ST8SIA6: variants seen among roughly 807,000 people sequenced by gnomAD.
ST8SIA6 encodes the protein ST8 alpha-N-acetyl-neuraminide alpha-2,8-sialyltransferase 6, also known as alpha-2,8-sialyltransferase 8F.
ST8SIA6 carries 39 observed loss-of-function variants against 33.6 expected under a neutral mutation model. The observed-to-expected ratio is 1.16, with a 90% CI of 0.90 to 1.52. The LOEUF (loss-of-function observed/expected upper bound fraction) is 1.52. Among genes scored for constraint, ST8SIA6 ranks in the 40% most tolerant of loss-of-function variants. The pLI, the probability that ST8SIA6 is intolerant of heterozygous loss-of-function variation, is 0.00. For synonymous variants in ST8SIA6, 172 were observed against 167.2 expected, an observed-to-expected ratio of 1.03 and a Z score of -0.22; for missense variants, 441 against 443.8, an observed-to-expected ratio of 0.99 and a Z score of 0.06.
At chr10:17,339,316 C>T (rs1410508653) in intron 4 of ST8SIA6, among the ~76,000 whole-genome samples, 1 of 152,108 alleles carries the variant, frequency 6.6e-6, no homozygotes, top group Non-Finnish European at 1.5e-5. Context: ...CCATGGCTCC[C>T]AGGCACCTCT....
In ST8SIA6 at chr10:17,320,984, A is replaced by G; in HGVS notation, c.1091T>C (p.Leu364Pro). The G allele has an allele frequency of 6.2e-7, 1 of 1,614,130 alleles. No homozygotes were observed. Among genetic ancestry groups the G allele is most frequent in the Non-Finnish European group, 8.5e-7 (1 of 1,179,974 alleles). ...PVSHHYYDNK[L>P]PKHGFHQMPK... is the part of the protein sequence containing the mutation. ...CATCTGATGGAAACCATGTTTAGGT[A>G]GCTTGTTGTCATAATAGTGATGGCT... The change falls in exon 8 of 8, where the codon CTA becomes CCA. Residue 364 changes from leucine (L) to proline (P), a missense_variant. Physicochemically the swap from Leu to Pro is moderately conservative, Grantham distance 98. Coordinates refer to ENST00000377602, the MANE Select transcript of ST8SIA6 (RefSeq NM_001004470.3).
rs1003957575 is a variant in ST8SIA6, at chr10:17,316,399, C to G, written c.*4479G>C. Reference sequence around the variant, plus strand: ...GGATCCAGTCAAGTTAGTTCACTGACTTCCGAAGAGACAGATATCTGTGAG... The same window carrying G: ...GGATCCAGTCAAGTTAGTTCACTGAGTTCCGAAGAGACAGATATCTGTGAG... On this transcript the variant is annotated 3_prime_UTR_variant, in exon 8 of 8. Coordinates refer to ENST00000377602, the MANE Select transcript of ST8SIA6 (RefSeq NM_001004470.3). 6.6e-6 allele frequency among the ~76,000 whole-genome samples: 1 copy of G among 152,112 alleles called. No homozygotes were observed. The highest frequency in any genetic ancestry group is 6.6e-5 in the Admixed American group (1 of 15,266).
intron 2 of ST8SIA6, among the ~76,000 whole-genome samples, chr10:17,421,515 G>C (rs1851780432): frequency 6.6e-6 from 1 of 152,176 alleles, no homozygotes; most frequent in African/African-American, 2.4e-5. Context: ...AGCCCTGAAT[G>C]AGTGAGATCT....
chr10:17,342,361 A>C (rs935998537), intron 4 of ST8SIA6, among the ~76,000 whole-genome samples: 1 of 152,150 alleles, frequency 6.6e-6, no homozygotes, highest in African/African-American at 2.4e-5. Context: ...GGGGCACTTA[A>C]CCAGTCTGGG....
At chr10:17,351,957 G>C (rs1476044240) in intron 4 of ST8SIA6, among the ~76,000 whole-genome samples, 1 of 152,124 alleles carries the variant, frequency 6.6e-6, no homozygotes, top group African/African-American at 2.4e-5. Flanking sequence ...CATTTTTCAA[G>C]ATCCATTGCA....
In ST8SIA6 at chr10:17,345,585, T is replaced by C. The variant is rs77134246; in HGVS notation, c.377+13929A>G. Among the ~76,000 whole-genome samples, 1,190 of 151,650 alleles carry C rather than the reference T, an allele frequency of 7.8e-3. 15 individuals carry two copies. Among genetic ancestry groups the C allele is most frequent in the African/African-American group, 0.027 (1,117 of 41,230 alleles). ...AAGCCTGGAGAAGAGAGAGAGAGCA[T>C]AGAATGTGCAAAATTCTGAAAGAAA... On this transcript the variant is annotated intron_variant, in intron 4 of 7. Coordinates refer to ENST00000377602, the MANE Select transcript of ST8SIA6 (RefSeq NM_001004470.3).
At chr10:17,401,262 T>C (rs1851028512) in intron 2 of ST8SIA6, among the ~76,000 whole-genome samples, 1 of 152,156 alleles carries the variant, frequency 6.6e-6, no homozygotes, top group Non-Finnish European at 1.5e-5. Context: ...TACAAACCAC[T>C]GCTCAACTAA....
chr10:17,344,544 C>A (rs1848772058), intron 4 of ST8SIA6, among the ~76,000 whole-genome samples: 1 of 152,224 alleles, frequency 6.6e-6, no homozygotes, highest in Non-Finnish European at 1.5e-5. Flanking sequence ...TTATCTCCCA[C>A]TGGGTCCCTC....
chr10:17,394,140 G>T (rs1413298759), intron 2 of ST8SIA6, among the ~76,000 whole-genome samples: 2 of 152,070 alleles, frequency 1.3e-5, no homozygotes, highest in Non-Finnish European at 2.9e-5. Context: ...AAATCAGAGA[G>T]GGTATCTTTT....
At chr10:17,395,074 C>CG (rs995360610) in intron 2 of ST8SIA6, among the ~76,000 whole-genome samples, 5 of 152,068 alleles carry the variant, frequency 3.3e-5, no homozygotes, top group African/African-American at 7.2e-5. Flanking sequence ...AATTGAATCA[C>CG]GGGGGGCAGT....
At chr10:17,403,606 C>G (rs1473481968) in intron 2 of ST8SIA6, 1 of 152,184 alleles carries the variant, frequency 6.6e-6, no homozygotes. Context: ...CATTACTGCA[C>G]TTGTCTGGTC....
intron 2 of ST8SIA6, among the ~76,000 whole-genome samples, 160 bp from the exon 3 acceptor site, chr10:17,390,780 AC>A (rs1321691336): frequency 7.1e-6 from 1 of 141,462 alleles, no homozygotes; most frequent in Non-Finnish European, 1.5e-5. Context: ...TAATATTTTC[AC>A]CTCTGATGGG....
intron 3 of ST8SIA6, among the ~76,000 whole-genome samples, chr10:17,375,540 T>G (rs572138937): frequency 6.6e-6 from 1 of 152,340 alleles, no homozygotes; most frequent in South Asian, 2.1e-4. Flanking sequence ...GAGGAACATA[T>G]CTTTCAGAAA....
At chr10:17,369,225 T>A (rs530479407) in intron 3 of ST8SIA6, among the ~76,000 whole-genome samples, 5 of 152,300 alleles carry the variant, frequency 3.3e-5, no homozygotes, top group East Asian at 3.9e-4. Flanking sequence ...AAATCCTGTA[T>A]CCTTTATTAC....
chr10:17,416,351 C>G (rs1851607322), intron 2 of ST8SIA6, among the ~76,000 whole-genome samples: 1 of 152,186 alleles, frequency 6.6e-6, no homozygotes, highest in African/African-American at 2.4e-5. Flanking sequence ...TACTCTCTGG[C>G]TTTGAGTCCT....
At chr10:17,343,777 C>T (rs145907623) in intron 4 of ST8SIA6, among the ~76,000 whole-genome samples, 1 of 152,230 alleles carries the variant, frequency 6.6e-6, no homozygotes, top group African/African-American at 2.4e-5. Context: ...GAACGTTCTA[C>T]AGAAAGTGCC....
intron 3 of ST8SIA6, among the ~76,000 whole-genome samples, chr10:17,369,736 T>C (rs1000347224): frequency 1.3e-5 from 2 of 152,222 alleles, no homozygotes; most frequent in African/African-American, 4.8e-5. Context: ...CATACATGTT[T>C]ATAATTATTA....
intron 2 of ST8SIA6, among the ~76,000 whole-genome samples, chr10:17,422,056 G>C (rs1851794703): frequency 6.6e-6 from 1 of 151,790 alleles, no homozygotes; most frequent in African/African-American, 2.4e-5. Flanking sequence ...CATACATAAA[G>C]ATAACTTCAA....
rs1847767409 is a variant in ST8SIA6, at chr10:17,316,117, A to G, written c.*4761T>C. 6.6e-6 allele frequency among the ~76,000 whole-genome samples: 1 copy of G among 152,018 alleles called. No individual in the cohort carries two copies. Among genetic ancestry groups the G allele is most frequent in the Non-Finnish European group, 1.5e-5 (1 of 67,906 alleles). On this transcript the variant is annotated 3_prime_UTR_variant, in exon 8 of 8. Transcript: ENST00000377602. ...ATATGTCAAAGGCTTGCTGTATTAA[A>G]TATAATAACATGTATATTTTTCTTC...
Sources: allele counts gnomAD v4.1 joint callset (sites outside exome capture counted in the v4.1 genomes callset), GRCh38; gene constraint gnomAD v4.1.1; transcripts MANE v1.5; gene names NCBI Gene and HGNC (gene_info 2026-07-23, HGNC 2026-07-21).